The following ZC3H7A variants were observed in gnomAD, a reference collection of about 807,000 sequenced individuals.
The protein encoded by ZC3H7A is zinc finger CCCH-type containing 7A, also known as zinc finger CCCH domain-containing protein 7A.
A neutral mutation model predicts 125.5 loss-of-function variants in ZC3H7A; 44 were observed. The observed-to-expected ratio is 0.35, with a 90% CI of 0.28 to 0.45. ZC3H7A has a LOEUF of 0.45. Among genes scored for constraint, ZC3H7A ranks in the 20% least tolerant of loss-of-function variants. The pLI is 1.00. For missense variants in ZC3H7A, 977 were observed against 1,170.7 expected (o/e 0.83, Z 2.41); for synonymous variants, 399 against 391.2 (o/e 1.02, Z -0.23).
At chr16:11,787,407 A>G (rs2053273250) in intron 1 of ZC3H7A, among the ~76,000 whole-genome samples, 1 of 152,010 alleles carries the variant, frequency 6.6e-6, no homozygotes, top group African/African-American at 2.4e-5. Context: ...ACCATTGATT[A>G]GTTTTACCTG....
rs375609043 is a variant in ZC3H7A, at chr16:11,765,646, C to T, written c.1562G>A (p.Cys521Tyr). ...CTCCTCTTGGCAATAAGCAAACGTGCAGTGGCCTGAATATCTACATTCCTC... is the reference window on the plus strand; with the variant it reads ...CTCCTCTTGGCAATAAGCAAACGTGTAGTGGCCTGAATATCTACATTCCTC... ...AEEECRYSGH[C>Y]TFAYCQEEID... is the part of the protein sequence containing the mutation. Residue 521 changes from cysteine (C) to tyrosine (Y), a missense_variant, in exon 14 of 23, where the codon TGC (cysteine) becomes TAC (tyrosine). Coordinates refer to ENST00000355758, the MANE Select transcript of ZC3H7A (RefSeq NM_014153.4). The surrounding 1 kb of genome is among the most constrained non-coding windows in gnomAD (Gnocchi z 4.8). The T allele has an allele frequency of 2.5e-6, 4 of 1,613,700 alleles. No individual in the cohort carries two copies. The highest frequency in any genetic ancestry group is 3.4e-6 in the Non-Finnish European group (4 of 1,179,836).
Position 11,765,116 on chromosome 16 carries a change from C to A in ZC3H7A, c.1757G>T (p.Arg586Ile). ...FDHKPRMISK[R>I]NKDNSTACSH... ...ACAAGCAGTAGAATTATCTTTATTT[C>A]TTTTACTTATCATTCTAGGCTTATG... The change falls in exon 15 of 23, where the codon AGA (arginine) becomes ATA (isoleucine). Residue 586 changes from arginine (R) to isoleucine (I), a missense_variant. Transcript: ENST00000355758. The surrounding 1 kb of genome is among the most constrained non-coding windows in gnomAD (Gnocchi z 4.8). 6.3e-7 allele frequency: 1 copy of A among 1,588,668 alleles called. No individual in the cohort carries two copies. Among genetic ancestry groups the A allele is most frequent in the South Asian group, 1.2e-5 (1 of 86,826 alleles).
At chr16:11,789,438 G>A (rs1417172966) in intron 1 of ZC3H7A, among the ~76,000 whole-genome samples, 1 of 152,030 alleles carries the variant, frequency 6.6e-6, no homozygotes, top group Non-Finnish European at 1.5e-5. Context: ...TATTTTTGTA[G>A]AGATGGGGTT....
chr16:11,752,501 T>G (rs1006221902), intron 22 of ZC3H7A, among the ~76,000 whole-genome samples, 168 bp downstream of exon 22: 5 of 152,242 alleles, frequency 3.3e-5, no homozygotes, highest in African/African-American at 1.2e-4. Flanking sequence ...AAGGAATGGT[T>G]TGATGAGCAG....
intron 3 of ZC3H7A, among the ~76,000 whole-genome samples, chr16:11,780,495 G>A (rs2053157766): frequency 6.6e-6 from 1 of 152,080 alleles, no homozygotes; most frequent in South Asian, 2.1e-4. Context: ...CTCATTTTAT[G>A]AATTCCTGTC....
intron 12 of ZC3H7A, among the ~76,000 whole-genome samples, chr16:11,768,015 T>G (rs971862240): frequency 5.9e-5 from 9 of 152,184 alleles, no homozygotes; most frequent in African/African-American, 2.2e-4. Flanking sequence ...ATCAACTTCT[T>G]AAGCATACAC....
At chr16:11,753,655 T>C (rs2052588312) in intron 21 of ZC3H7A, 2 of 151,990 alleles carry the variant, frequency 1.3e-5, no homozygotes, top group Non-Finnish European at 2.9e-5. Flanking sequence ...ATTTATTTAT[T>C]TGTTTATTTT....
At chr16:11,755,230 A>C (rs554289935) in intron 21 of ZC3H7A, among the ~76,000 whole-genome samples, 1 of 151,860 alleles carries the variant, frequency 6.6e-6, no homozygotes, top group East Asian at 1.9e-4. Context: ...AAAAAAATAG[A>C]ATAAATGTGT....
chr16:11,768,188 G>A lies in ZC3H7A; in HGVS notation c.1360+127C>T, dbSNP rs942649418. On this transcript the variant is annotated intron_variant, in intron 12 of 22. Transcript: ENST00000355758. ...TCAGTAACTGCTACTTGTTTAGGAA[G>A]AATTCAAAATAGGGATTGAAGAACC... 8 of 954,292 alleles carry A rather than the reference G, an allele frequency of 8.4e-6. No homozygotes were observed. In the African/African-American group the frequency reaches 1.3e-4, roughly 16 times the overall value. 59.1% of individuals were successfully genotyped at this position (954,292 alleles called of 1,614,324 possible).
chr16:11,788,300 A>G (rs1265514680), intron 1 of ZC3H7A, among the ~76,000 whole-genome samples: 1 of 151,756 alleles, frequency 6.6e-6, no homozygotes, highest in Non-Finnish European at 1.5e-5. Flanking sequence ...CACTCTTGAG[A>G]TCTCCCCGAG....
chr16:11,782,741 G>A lies in ZC3H7A; in HGVS notation c.-34-353C>T, dbSNP rs775579100. On this transcript the variant is annotated intron_variant, in intron 1 of 22. Coordinates refer to ENST00000355758, the MANE Select transcript of ZC3H7A (RefSeq NM_014153.4). ...AGCAATTCTCCTGTCTCAGCCTCCT[G>A]AGTGGCTGGGACTCAGATGCCTGCG... 4.3e-5 allele frequency: 7 copies of A among 161,288 alleles called. No individual in the cohort carries two copies. The Middle Eastern group carries it at 9.4e-3, about 216-fold the overall frequency. The allele number at this position is 161,288 out of a possible 1,614,324, so 10.0% of individuals were successfully genotyped here. A position where few individuals can be genotyped will look rare whatever the true frequency, so the allele number is the denominator to read the frequency against.
chr16:11,779,684 T>A (rs1227803246), intron 3 of ZC3H7A, among the ~76,000 whole-genome samples: 1 of 152,212 alleles, frequency 6.6e-6, no homozygotes, highest in Non-Finnish European at 1.5e-5. Flanking sequence ...ATGAATAGTT[T>A]AAGGCTTTTG....
chr16:11,752,583 A>G (rs933312714), intron 22 of ZC3H7A, 86 bp downstream of exon 22: 10 of 1,501,026 alleles, frequency 6.7e-6, no homozygotes, highest in Non-Finnish European at 9.0e-6. Context: ...GAACTTTAAC[A>G]CCCAGGTATT....
Position 11,761,271 on chromosome 16 carries a change from A to C in ZC3H7A, c.2319+135T>G. The C allele has an allele frequency of 4.8e-6, 4 of 831,390 alleles. No individual in the cohort carries two copies. The South Asian group carries it at 7.3e-5, about 15-fold the overall frequency. 51.5% of individuals were successfully genotyped at this position (831,390 alleles called of 1,614,324 possible). ...ATATACTAAAGGGAAGGAAAACCAA[A>C]GAGGAACCATTTAAATAGCATTATT... On this transcript the variant is annotated intron_variant, in intron 19 of 22. Coordinates refer to ENST00000355758, the MANE Select transcript of ZC3H7A (RefSeq NM_014153.4).
intron 7 of ZC3H7A, 57 bp from the exon 8 acceptor site, chr16:11,775,070 C>G (rs908963749): frequency 1.0e-5 from 16 of 1,595,762 alleles, no homozygotes; most frequent in African/African-American, 2.7e-5. Flanking sequence ...AGCCATAAAA[C>G]AATCAGTAAA....
chr16:11,761,536 A>G, intron 18 of ZC3H7A, 25 bp from the exon 19 acceptor site: 1 of 1,611,862 alleles, frequency 6.2e-7, no homozygotes, highest in South Asian at 1.1e-5. Flanking sequence ...GTTCAGAAAA[A>G]AACAAAGACA....
At chr16:11,791,304 A>C (rs2053348540) in intron 1 of ZC3H7A, among the ~76,000 whole-genome samples, 1 of 152,012 alleles carries the variant, frequency 6.6e-6, no homozygotes, top group Non-Finnish European at 1.5e-5. Flanking sequence ...GAGCTCCCAG[A>C]ACAAGTCAGG....
At chr16:11,785,626 T>C (rs942075004) in intron 1 of ZC3H7A, among the ~76,000 whole-genome samples, 5 of 152,020 alleles carry the variant, frequency 3.3e-5, no homozygotes, top group African/African-American at 1.2e-4. Flanking sequence ...CATTTTGTTT[T>C]GTTTTGTTTT....
chr16:11,793,320 G>C (rs1188253372), intron 1 of ZC3H7A, among the ~76,000 whole-genome samples: 2 of 152,082 alleles, frequency 1.3e-5, no homozygotes, highest in African/African-American at 4.8e-5. Context: ...ATCGCTTCAG[G>C]CCAGGAGTTT....
Sources: allele counts gnomAD v4.1 joint callset (sites outside exome capture counted in the v4.1 genomes callset), GRCh38; gene constraint gnomAD v4.1.1; non-coding constraint Gnocchi (gnomAD v3.1); transcripts MANE v1.5; gene names NCBI Gene and HGNC (gene_info 2026-07-23, HGNC 2026-07-21).